Variants in ZNF469 observed in about 807,000 individuals in gnomAD.
The protein encoded by ZNF469 is zinc finger protein 469.
A neutral mutation model predicts 1.0 loss-of-function variants in ZNF469; 1 was observed. The ratio of observed to expected loss-of-function variants is 1.00; its 90% confidence interval spans 0.35 to 4.73. The LOEUF (loss-of-function observed/expected upper bound fraction) is 4.73. Ranked by LOEUF, ZNF469 falls within the 30% of genes most tolerant of loss-of-function variation. The probability of loss-of-function intolerance (pLI) is 0.16; values close to 1 mark genes in which losing one functional copy is unlikely to be tolerated. For missense variants in ZNF469, 6,100 were observed against 5,356.3 expected (o/e 1.14, Z -4.33); for synonymous variants, 2,703 against 2,363.4 (o/e 1.14, Z -4.17).
chr16:88,209,926 G>A, the ZNF469 span, among the ~76,000 whole-genome samples: 1 of 152,158 alleles, frequency 6.6e-6, no homozygotes, highest in African/African-American at 2.4e-5. Flanking sequence ...AGTATCTTCA[G>A]AGTAAATTCT....
the ZNF469 span, among the ~76,000 whole-genome samples, chr16:88,274,691 G>A: frequency 2.0e-5 from 3 of 152,244 alleles, no homozygotes; most frequent in Non-Finnish European, 4.4e-5. Context: ...GTTATCCTTG[G>A]AAGAAGGTTT....
the ZNF469 span, among the ~76,000 whole-genome samples, chr16:88,163,561 G>A: frequency 6.7e-6 from 1 of 149,842 alleles, no homozygotes; most frequent in Non-Finnish European, 1.5e-5. Flanking sequence ...CAGATGAGTG[G>A]GTGAGTGGAT....
chr16:88,405,865 C>T (rs1905015385), intron 1 of ZNF469, among the ~76,000 whole-genome samples: 1 of 152,230 alleles, frequency 6.6e-6, no homozygotes, highest in Admixed American at 6.5e-5. Context: ...AGCGGAAAAG[C>T]CTCTGCAGTT....
At chr16:88,377,975 C>T (rs1036863036), upstream of ZNF469, among the ~76,000 whole-genome samples, 12 of 152,140 alleles carry the variant, frequency 7.9e-5, no homozygotes, top group African/African-American at 2.7e-4. Flanking sequence ...GGAAGCCTGA[C>T]CCAGGGACGG....
At chr16:88,336,984 G>A in the ZNF469 span, among the ~76,000 whole-genome samples, 2,077 of 152,266 alleles carry the variant, frequency 0.014, 32 homozygotes, top group African/African-American at 0.047. Flanking sequence ...ACTCGGCCCC[G>A]TGTTTTCAAG....
At chr16:88,129,769 G>A in the ZNF469 span, among the ~76,000 whole-genome samples, 1 of 152,212 alleles carries the variant, frequency 6.6e-6, no homozygotes, top group South Asian at 2.1e-4. Flanking sequence ...GCTGCGGTGG[G>A]AGGATCACTT....
the ZNF469 span, among the ~76,000 whole-genome samples, chr16:88,127,211 G>C: frequency 5.3e-5 from 8 of 152,076 alleles, no homozygotes; most frequent in Non-Finnish European, 1.0e-4. Flanking sequence ...GTTGCCTGCA[G>C]GTTCTTTCCA....
At chr16:88,285,630 A>T in the ZNF469 span, among the ~76,000 whole-genome samples, 31 of 152,252 alleles carry the variant, frequency 2.0e-4, 1 homozygote, top group Admixed American at 2.0e-3. Flanking sequence ...TGTCCATGTA[A>T]TGTCCTTTCA....
chr16:88,221,301 G>A, the ZNF469 span, among the ~76,000 whole-genome samples: 7 of 152,340 alleles, frequency 4.6e-5, no homozygotes, highest in African/African-American at 1.2e-4. Context: ...TCCCACGGCC[G>A]TGAGGGCTCG....
rs183618987 is a variant in ZNF469, at chr16:88,396,050, C to T, written c.-192+12796C>T. 1.2e-4 allele frequency among the ~76,000 whole-genome samples: 18 copies of T among 152,350 alleles called. No homozygotes were observed. In the East Asian group the frequency reaches 3.3e-3, roughly 28 times the overall value. On this transcript the variant is annotated intron_variant, in intron 1 of 2. Coordinates refer to ENST00000565624, the MANE Select transcript of ZNF469 (RefSeq NM_001367624.2). Reference sequence around the variant, plus strand: ...TGAGGGCGGACACGGGACCATCTGTCGTGTATCCACTCCACGTCCCTTCTC... The same window carrying T: ...TGAGGGCGGACACGGGACCATCTGTTGTGTATCCACTCCACGTCCCTTCTC...
chr16:88,220,945 G>A, the ZNF469 span, among the ~76,000 whole-genome samples: 1 of 152,292 alleles, frequency 6.6e-6, no homozygotes, highest in African/African-American at 2.4e-5. Context: ...TGTACAGGGA[G>A]CCTCACTCAT....
chr16:88,404,706 C>T (rs1448412403), intron 1 of ZNF469, among the ~76,000 whole-genome samples: 1 of 152,128 alleles, frequency 6.6e-6, no homozygotes, highest in Non-Finnish European at 1.5e-5. Context: ...GCACCGACCA[C>T]CCAGAGGGGT....
At chr16:88,274,792 T>C in the ZNF469 span, among the ~76,000 whole-genome samples, 1 of 152,252 alleles carries the variant, frequency 6.6e-6, no homozygotes, top group African/African-American at 2.4e-5. Flanking sequence ...ACTCGCCGTA[T>C]TGCCTTAGCC....
the ZNF469 span, among the ~76,000 whole-genome samples, chr16:88,189,047 G>T: frequency 6.6e-6 from 1 of 152,026 alleles, no homozygotes; most frequent in African/African-American, 2.4e-5. The surrounding 1 kb of genome is among the most constrained non-coding windows in gnomAD (Gnocchi z 4.3). Flanking sequence ...CCCCAATGAG[G>T]GGAGGATGTC....
chr16:88,428,071 G>C lies in ZNF469; in HGVS notation c.601G>C (p.Ala201Pro). 2.6e-6 allele frequency: 4 copies of C among 1,549,768 alleles called. No individual in the cohort carries two copies. Among genetic ancestry groups the C allele is most frequent in the East Asian group, 2.4e-5 (1 of 40,858 alleles). Reference protein sequence around the residue: ...FTSTNYTSPSATPRPPAPGPP... With the variant: ...FTSTNYTSPSPTPRPPAPGPP... ...CTCCACCAACTATACCTCACCAAGC[G>C]CCACCCCCAGGCCCCCAGCCCCGGG... is the stretch of plus-strand genomic sequence containing the variant. The change falls in exon 3 of 3, where the codon GCC (alanine) becomes CCC (proline). Residue 201 changes from alanine (A) to proline (P), a missense_variant. Physicochemically the swap from Ala to Pro is conservative, Grantham distance 27. Transcript: ENST00000565624.
At chr16:88,279,498 G>A in the ZNF469 span, among the ~76,000 whole-genome samples, 1 of 147,458 alleles carries the variant, frequency 6.8e-6, no homozygotes, top group East Asian at 2.0e-4. Flanking sequence ...AGATATCAGT[G>A]CACAGTTAGT....
At chr16:88,382,057 C>T (rs948549720), upstream of ZNF469, among the ~76,000 whole-genome samples, 6 of 152,226 alleles carry the variant, frequency 3.9e-5, no homozygotes, top group Non-Finnish European at 8.8e-5. Context: ...GCGAAGTCCC[C>T]CCACTGCCAC....
At position 88,431,289 on chromosome 16, in the gene ZNF469, T is replaced by C. The variant is rs765769896; in HGVS notation, c.3819T>C (p.His1273=). 3 of 1,550,216 alleles carry C rather than the reference T, an allele frequency of 1.9e-6. No individual in the cohort carries two copies. The highest frequency in any genetic ancestry group is 2.6e-6 in the Non-Finnish European group (3 of 1,146,928). Residue 1273 remains histidine, a synonymous_variant, in exon 3 of 3, where the codon CAT becomes CAC. Coordinates refer to ENST00000565624, the MANE Select transcript of ZNF469 (RefSeq NM_001367624.2). ...CAGAGCAGCCGCCGCCCAGCAGACATGACACCGGCACCCCCAAGCCGTCGG... is the reference window on the plus strand; with the variant it reads ...CAGAGCAGCCGCCGCCCAGCAGACACGACACCGGCACCCCCAAGCCGTCGG... ...LIPEQPPPSR[H]DTGTPKPSGS... is the part of the protein sequence containing the mutation.
the ZNF469 span, among the ~76,000 whole-genome samples, chr16:88,295,989 TG>T: frequency 6.6e-6 from 1 of 152,206 alleles, no homozygotes; most frequent in South Asian, 2.1e-4. Context: ...GCGCCATCCC[TG>T]GGGCAGCGCC....
Sources: gnomAD v4.1 joint callset for allele counts (sites outside exome capture counted in the v4.1 genomes callset) on GRCh38, gnomAD v4.1.1 for gene constraint, Gnocchi (gnomAD v3.1) non-coding constraint, MANE v1.5 for transcripts, NCBI Gene and HGNC (gene_info 2026-07-23, HGNC 2026-07-21) for gene names.